GPRC6A: variants seen among roughly 807,000 people sequenced by gnomAD.
The protein encoded by GPRC6A is G protein-coupled receptor family C group 6 member A.
A neutral mutation model predicts 47.0 loss-of-function variants in GPRC6A; 54 were observed. The ratio of observed to expected loss-of-function variants is 1.15; its 90% CI spans 0.92 to 1.44. The LOEUF is 1.44. GPRC6A is among the 40% of genes most tolerant of loss of function. GPRC6A has a pLI of 0.00. For missense variants in GPRC6A, 1,112 were observed against 1,105.5 expected, an observed-to-expected ratio of 1.01 and a Z score of -0.08; for synonymous variants, 347 against 377.1, an observed-to-expected ratio of 0.92 and a Z score of 0.93.
chr6:116,804,158 C>A (rs1772767070), intron 3 of GPRC6A, among the ~76,000 whole-genome samples: 4 of 151,970 alleles, frequency 2.6e-5, no homozygotes, highest in Admixed American at 2.6e-4. Flanking sequence ...AACAAAAAAA[C>A]CGAAATCTCT....
chr6:116,809,886 A>G (rs1772971430), intron 1 of GPRC6A, among the ~76,000 whole-genome samples: 1 of 152,130 alleles, frequency 6.6e-6, no homozygotes. Flanking sequence ...TGCAATATGA[A>G]GATGTGTTTG....
intron 1 of GPRC6A, among the ~76,000 whole-genome samples, chr6:116,821,333 T>C (rs994382631): frequency 1.5e-4 from 23 of 152,138 alleles, no homozygotes; most frequent in Admixed American, 2.6e-4. Context: ...TACCAATGCC[T>C]TTCTTCACAG....
At chr6:116,816,389 C>T (rs1225996802) in intron 1 of GPRC6A, among the ~76,000 whole-genome samples, 1 of 152,218 alleles carries the variant, frequency 6.6e-6, no homozygotes, top group Non-Finnish European at 1.5e-5. Context: ...GCAATCATTA[C>T]ATCTTAAAGC....
chr6:116,795,527 G>T (rs538479494), intron 5 of GPRC6A, among the ~76,000 whole-genome samples, 185 bp downstream of exon 5: 1 of 152,148 alleles, frequency 6.6e-6, no homozygotes, highest in African/African-American at 2.4e-5. Flanking sequence ...TATTTGCTGT[G>T]CACCTGTTGA....
intron 1 of GPRC6A, among the ~76,000 whole-genome samples, chr6:116,823,584 C>T (rs1773579107): frequency 6.6e-6 from 1 of 152,114 alleles, no homozygotes; most frequent in Admixed American, 6.6e-5. Context: ...TTACCCAGTT[C>T]CAGAGCTGCT....
In GPRC6A at chr6:116,792,466, TAATA is replaced by T. The variant is rs1329565539; in HGVS notation, c.2453_2456del (p.Ile818LysfsTer34). On this transcript the variant is annotated frameshift_variant, in exon 6 of 6. Transcript: ENST00000310357. LOFTEE classifies it low-confidence loss of function (END_TRUNC). ...AATACAGGATTCCATAGTTAGATATTAATATGACAATAATCTCCACAGCTGGTAC... is the reference window on the plus strand; with the variant it reads ...AATACAGGATTCCATAGTTAGATATTTGACAATAATCTCCACAGCTGGTAC... The T allele has an allele frequency of 5.0e-6, 8 of 1,613,496 alleles. No individual in the cohort carries two copies. The African/African-American group carries it at 1.1e-4, about 22-fold the overall frequency.
chr6:116,801,954 G>A (rs1201593474), intron 3 of GPRC6A, among the ~76,000 whole-genome samples: 1 of 152,120 alleles, frequency 6.6e-6, no homozygotes, highest in African/African-American at 2.4e-5. Context: ...TACCTCCAAT[G>A]TTCTCACTTC....
chr6:116,793,108 G>A lies in GPRC6A; in HGVS notation c.1815C>T (p.Ile605=), dbSNP rs2114574672. Residue 605 remains isoleucine, a synonymous_variant, in exon 6 of 6, where the codon ATC becomes ATT. Transcript: ENST00000310357. The part of the protein sequence containing the change: ...ILLLILSLLG[I]IFVLVVGIIF... ...TTATGCCAACAACCAGAACAAATAT[G>A]ATTCCCAGTAGGGAGAGAATCAGGA... The A allele has an allele frequency of 1.2e-6, 2 of 1,613,972 alleles. No homozygotes were observed. The highest frequency in any genetic ancestry group is 4.5e-5 in the East Asian group (2 of 44,882).
chr6:116,792,442 A>G lies in GPRC6A; in HGVS notation c.2481T>C (p.Tyr827=). 6.2e-7 allele frequency: 1 copy of G among 1,614,046 alleles called. No individual in the cohort carries two copies. Among genetic ancestry groups the G allele is most frequent in the Non-Finnish European group, 8.5e-7 (1 of 1,179,926 alleles). The change falls in exon 6 of 6, where the codon TAT becomes TAC. Residue 827 remains tyrosine (Y), a synonymous_variant. Transcript: ENST00000310357. ...CATAGCATTTGGGGATGAATGTGCA[A>G]TACAGGATTCCATAGTTAGATATTA... The part of the protein sequence containing the change: ...VILISNYGIL[Y]CTFIPKCYVI...
intron 1 of GPRC6A, among the ~76,000 whole-genome samples, chr6:116,824,001 T>C (rs1311949770): frequency 1.3e-5 from 2 of 151,956 alleles, no homozygotes; most frequent in African/African-American, 2.4e-5. Context: ...CCAGGCTCCA[T>C]CTCCAACATT....
intron 1 of GPRC6A, among the ~76,000 whole-genome samples, chr6:116,823,554 A>C (rs192674840): frequency 6.6e-6 from 1 of 152,136 alleles, no homozygotes; most frequent in Admixed American, 6.6e-5. Flanking sequence ...AGCCCTCCAA[A>C]CTGTTGCAAC....
chr6:116,818,566 A>G (rs1410478677), intron 1 of GPRC6A, among the ~76,000 whole-genome samples: 101 of 122,128 alleles, frequency 8.3e-4, no homozygotes, highest in African/African-American at 2.9e-3. Flanking sequence ...AAAAAAAAAA[A>G]AAAAGAATTT....
chr6:116,810,748 GAAATTTTAATTTAATTA>G (rs1562483761), intron 1 of GPRC6A, among the ~76,000 whole-genome samples: 1 of 151,636 alleles, frequency 6.6e-6, no homozygotes, highest in African/African-American at 2.4e-5. Context: ...ATTTAATTAA[GAAATTTTAATTTAATTA>G]AAATTTTAAT....
intron 1 of GPRC6A, among the ~76,000 whole-genome samples, chr6:116,818,071 T>C (rs1459626753): frequency 2.6e-5 from 4 of 151,954 alleles, no homozygotes; most frequent in African/African-American, 4.8e-5. Flanking sequence ...CTCCAAGACA[T>C]GTAATTGTCA....
chr6:116,819,894 C>G (rs1384923621), intron 1 of GPRC6A, among the ~76,000 whole-genome samples: 1 of 149,200 alleles, frequency 6.7e-6, no homozygotes, highest in African/African-American at 2.5e-5. Flanking sequence ...CACAAAAAAC[C>G]CTTCAAAAAA....
In GPRC6A at chr6:116,792,200, CT is replaced by C. The variant is rs763052477; in HGVS notation, c.2722del (p.Arg908GlyfsTer21). On this transcript the variant is annotated frameshift_variant, in exon 6 of 6. Transcript: ENST00000310357. LOFTEE classifies it high-confidence loss of function. The stretch of plus-strand genomic sequence containing the variant: ...TTTAGATACACTTGTGGCATTTTCC[CT>C]GCATATGTGTGCAAATGCTTGTGCC... ...LQAQAFAHIC[R>X]ENATSVSKTL... The C allele has an allele frequency of 6.2e-7, 1 of 1,613,926 alleles. No individual in the cohort carries two copies. The highest frequency in any genetic ancestry group is 1.1e-5 in the South Asian group (1 of 91,076).
rs748249373 is a variant in GPRC6A at position 116,800,704 on chromosome 6, A to C, written c.1428T>G (p.Val476=). 6.2e-7 allele frequency: 1 copy of C among 1,610,388 alleles called. No individual in the cohort carries two copies. The highest frequency in any genetic ancestry group is 8.5e-7 in the Non-Finnish European group (1 of 1,176,772). The part of the protein sequence containing the change: ...AHGDLNTGYD[V]VLWKEINGHM... Reference sequence around the variant, plus strand: ...GTCCATTGATCTCCTTCCAGAGCACAACATCATATCCAGTATTTAAATCCC... The same window carrying C: ...GTCCATTGATCTCCTTCCAGAGCACCACATCATATCCAGTATTTAAATCCC... The change falls in exon 4 of 6, where the codon GTT becomes GTG. Residue 476 remains valine (V), a synonymous_variant. Transcript: ENST00000310357.
intron 1 of GPRC6A, among the ~76,000 whole-genome samples, chr6:116,815,450 T>A (rs1773175149): frequency 6.6e-6 from 1 of 152,206 alleles, no homozygotes; most frequent in South Asian, 2.1e-4. Flanking sequence ...ACCACTGCAC[T>A]CCAGCCTGGG....
chr6:116,805,529 A>G (rs756151253), intron 3 of GPRC6A, among the ~76,000 whole-genome samples: 19 of 152,082 alleles, frequency 1.2e-4, no homozygotes, highest in Non-Finnish European at 2.5e-4. Context: ...TTGAATACAT[A>G]TTATTGAGAC....
Sources: gnomAD v4.1 joint callset for allele counts (sites outside exome capture counted in the v4.1 genomes callset) on GRCh38, gnomAD v4.1.1 for gene constraint, MANE v1.5 for transcripts, NCBI Gene and HGNC (gene_info 2026-07-23, HGNC 2026-07-21) for gene names.